The following RFC1 variants were observed in gnomAD, a reference collection of about 807,000 sequenced individuals.
RFC1 encodes replication factor C subunit 1.
Under a neutral mutation model 137.4 loss-of-function variants are expected in RFC1, and 37 were observed. The observed-to-expected ratio is 0.27, with a 90% confidence interval of 0.21 to 0.35. RFC1 has a LOEUF of 0.35. Among genes scored for constraint, RFC1 ranks in the 10% least tolerant of loss-of-function variants. The probability of loss-of-function intolerance (pLI) is 1.00; values close to 1 mark genes in which losing one functional copy is unlikely to be tolerated. For synonymous variants in RFC1, 429 were observed against 455.7 expected, an observed-to-expected ratio of 0.94 and a Z score of 0.75; for missense variants, 1,205 against 1,358.5, an observed-to-expected ratio of 0.89 and a Z score of 1.78.
intron 21 of RFC1, among the ~76,000 whole-genome samples, chr4:39,298,873 C>T (rs1738177615): frequency 6.6e-6 from 1 of 152,180 alleles, no homozygotes. Flanking sequence ...AATCCCAGCA[C>T]TTTGGAAGGC....
chr4:39,314,420 T>C (rs1739131026), intron 10 of RFC1, among the ~76,000 whole-genome samples: 1 of 152,196 alleles, frequency 6.6e-6, no homozygotes, highest in Admixed American at 6.5e-5. Context: ...TTATCCAATC[T>C]TAGCACTTCT....
At chr4:39,303,252 A>G in intron 15 of RFC1, 101 bp from the exon 16 acceptor site, 1 of 763,454 alleles carries the variant, frequency 1.3e-6, no homozygotes, top group South Asian at 1.4e-5. Context: ...ATTAAACTTC[A>G]AAAGCTACAA....
At chr4:39,364,820 A>C (rs577379761) in intron 1 of RFC1, among the ~76,000 whole-genome samples, 14 of 152,304 alleles carry the variant, frequency 9.2e-5, no homozygotes, top group Non-Finnish European at 1.8e-4. Flanking sequence ...AAGAGATTAA[A>C]CTTAAGCTAT....
intron 1 of RFC1, among the ~76,000 whole-genome samples, chr4:39,364,141 T>TATGC (rs1741903402): frequency 6.7e-6 from 1 of 149,962 alleles, no homozygotes; most frequent in East Asian, 2.0e-4. Context: ...ATGGTGTGTA[T>TATGC]ATGCCCATAT....
chr4:39,306,172 G>A (rs543651132), intron 14 of RFC1, among the ~76,000 whole-genome samples: 1 of 152,310 alleles, frequency 6.6e-6, no homozygotes, highest in South Asian at 2.1e-4. Context: ...GCTACCGGGT[G>A]AAAACTGGGC....
chr4:39,313,216 A>G (rs1739054933), intron 10 of RFC1, among the ~76,000 whole-genome samples: 1 of 152,214 alleles, frequency 6.6e-6, no homozygotes. Context: ...ACTATTTTCC[A>G]TTATGCCCTC....
At chr4:39,326,285 G>C (rs896287182) in intron 6 of RFC1, among the ~76,000 whole-genome samples, 2 of 152,106 alleles carry the variant, frequency 1.3e-5, no homozygotes, top group African/African-American at 4.8e-5. Flanking sequence ...CCTTTTTGTA[G>C]GTATCAAAGA....
At chr4:39,316,593 A>T (rs1309614022) in intron 10 of RFC1, among the ~76,000 whole-genome samples, 2 of 152,104 alleles carry the variant, frequency 1.3e-5, no homozygotes, top group East Asian at 3.8e-4. Flanking sequence ...ACATATCCCA[A>T]TTATAATTAA....
Position 39,300,131 on chromosome 4 carries a change from T to G in RFC1, c.2698A>C (p.Met900Leu). 9 of 1,613,814 alleles carry G rather than the reference T, an allele frequency of 5.6e-6. No homozygotes were observed. The highest frequency in any genetic ancestry group is 7.6e-6 in the Non-Finnish European group (9 of 1,179,706). ...HVKPVAAGGD[M>L]KKHLMLLSRA... ...CTTAAAAGCATCAGGTGCTTTTTCATGTCACCCCTGCAGGAAAGAACCAGT... is the reference window on the plus strand; with the variant it reads ...CTTAAAAGCATCAGGTGCTTTTTCAGGTCACCCCTGCAGGAAAGAACCAGT... The change falls in exon 21 of 25, where the codon ATG (methionine) becomes CTG (leucine). Residue 900 changes from methionine (M) to leucine (L), a missense_variant. This residue lies in a region of RFC1 where 237 missense variants were observed against 304.2 expected (regional missense o/e 0.78). Transcript: ENST00000349703.
chr4:39,314,669 T>C (rs1739148660), intron 10 of RFC1, among the ~76,000 whole-genome samples: 1 of 152,054 alleles, frequency 6.6e-6, no homozygotes, highest in Admixed American at 6.6e-5. Context: ...CAGGCTCCCA[T>C]AAAACCCATA....
intron 3 of RFC1, 27 bp downstream of exon 3, chr4:39,345,374 T>G (rs1003761067): frequency 6.3e-7 from 1 of 1,595,288 alleles, no homozygotes; most frequent in Non-Finnish European, 8.6e-7. Context: ...CTTTAAAATT[T>G]TAAAGCTCCT....
Position 39,366,228 on chromosome 4 carries a change from C to G in RFC1, c.3+11G>C. 1.3e-6 allele frequency: 2 copies of G among 1,553,186 alleles called. No individual in the cohort carries two copies. The highest frequency in any genetic ancestry group is 2.4e-5 in the South Asian group (2 of 84,220). On this transcript the variant is annotated intron_variant, in intron 1 of 24. Coordinates refer to ENST00000349703, the MANE Select transcript of RFC1 (RefSeq NM_002913.5). ...AGACCCCGAGCCGCACGGCCTCCCC[C>G]AGCGGCTCACCATCGCAGCCCCAGG...
intron 2 of RFC1, 63 bp from the exon 3 acceptor site, chr4:39,345,539 G>C: frequency 8.6e-7 from 1 of 1,161,470 alleles, no homozygotes; most frequent in South Asian, 1.4e-5. Context: ...TTTTTTTTTT[G>C]AGACGGAGTC....
chr4:39,288,796 G>T lies in RFC1; in HGVS notation c.3409C>A (p.Pro1137Thr). ...GAACTTTTTCCTTTTCCTTTTCTGG[G>T]CTCCTTATCTTTTTCTGGTTTTGAA... ...KPSKPEKDKE[P>T]RKGKGKSSKK Residue 1137 changes from proline to threonine, a missense_variant, in exon 25 of 25, where the codon CCC becomes ACC. Physicochemically the swap from Pro to Thr is conservative, Grantham distance 38 (BLOSUM62 -1). This residue lies in a region of RFC1 where 237 missense variants were observed against 304.2 expected (regional missense o/e 0.78). Coordinates refer to ENST00000349703, the MANE Select transcript of RFC1 (RefSeq NM_002913.5). 6.2e-7 allele frequency: 1 copy of T among 1,611,884 alleles called. No homozygotes were observed. Among genetic ancestry groups the T allele is most frequent in the South Asian group, 1.1e-5 (1 of 90,852 alleles).
chr4:39,298,980 G>T (rs1738186227), intron 21 of RFC1, among the ~76,000 whole-genome samples: 1 of 152,160 alleles, frequency 6.6e-6, no homozygotes, highest in Non-Finnish European at 1.5e-5. Context: ...CAAAATCTCT[G>T]CAGCACTGTG....
chr4:39,321,506 C>A, intron 7 of RFC1, 132 bp from the exon 8 acceptor site: 1 of 676,868 alleles, frequency 1.5e-6, no homozygotes, highest in South Asian at 2.2e-5. Context: ...AACTGTCATT[C>A]ATTCATCCAC....
Sources: gnomAD v4.1 joint callset for allele counts (sites outside exome capture counted in the v4.1 genomes callset) on GRCh38, gnomAD v4.1.1 for gene constraint, gnomAD v4.1.1 regional missense constraint, MANE v1.5 for transcripts, NCBI Gene and HGNC (gene_info 2026-07-23, HGNC 2026-07-21) for gene names.